TRDN: variants seen among roughly 807,000 people sequenced by gnomAD.
TRDN encodes the protein triadin.
Under a neutral mutation model 149.7 loss-of-function variants are expected in TRDN, and 161 were observed. The observed-to-expected ratio is 1.08, with a 90% CI of 0.95 to 1.23. The LOEUF is 1.23. TRDN is among the 50% of genes most tolerant of loss of function. TRDN has a pLI of 0.00. For synonymous variants in TRDN, 294 were observed against 250.5 expected (o/e 1.17, Z -1.64); for missense variants, 896 against 823.5 (o/e 1.09, Z -1.08).
At chr6:123,246,952 G>A (rs540448950) in intron 38 of TRDN, among the ~76,000 whole-genome samples, 1 of 152,146 alleles carries the variant, frequency 6.6e-6, no homozygotes, top group East Asian at 1.9e-4. Flanking sequence ...TTCAACATGT[G>A]CAAATTAATA....
At chr6:123,296,592 G>A (rs1461470939) in intron 24 of TRDN, among the ~76,000 whole-genome samples, 2 of 151,858 alleles carry the variant, frequency 1.3e-5, no homozygotes, top group South Asian at 2.1e-4. Flanking sequence ...AAGACTCTAA[G>A]AGAAAATGCC....
chr6:123,302,435 G>A (rs1778461905), intron 24 of TRDN, among the ~76,000 whole-genome samples: 1 of 152,010 alleles, frequency 6.6e-6, no homozygotes, highest in Admixed American at 6.6e-5. Context: ...AGAATAAAGG[G>A]ACAGTTGTCT....
At chr6:123,514,143 T>C (rs1779311582) in intron 6 of TRDN, among the ~76,000 whole-genome samples, 1 of 152,112 alleles carries the variant, frequency 6.6e-6, no homozygotes, top group African/African-American at 2.4e-5. Context: ...GGTGAGCAGA[T>C]CACTTGAGTT....
chr6:123,363,280 T>C (rs1370961238), intron 20 of TRDN, among the ~76,000 whole-genome samples: 1 of 152,154 alleles, frequency 6.6e-6, no homozygotes, highest in African/African-American at 2.4e-5. Flanking sequence ...AATTTGGGGA[T>C]TGGGTAGTAA....
At chr6:123,536,171 A>G (rs1780517819) in intron 4 of TRDN, among the ~76,000 whole-genome samples, 1 of 152,124 alleles carries the variant, frequency 6.6e-6, no homozygotes, top group African/African-American at 2.4e-5. Flanking sequence ...AATGCCATCT[A>G]TTATTATTAT....
At chr6:123,293,923 C>T (rs1778099103) in intron 24 of TRDN, among the ~76,000 whole-genome samples, 1 of 152,002 alleles carries the variant, frequency 6.6e-6, no homozygotes, top group African/African-American at 2.4e-5. Context: ...AGGGTTGATT[C>T]CGGCAGGAAT....
rs1775006526 is a variant in TRDN at position 123,217,688 on chromosome 6, T to C, written c.*913A>G. 2 of 152,126 alleles carry C rather than the reference T, an allele frequency of 1.3e-5. No individual in the cohort carries two copies. Among genetic ancestry groups the C allele is most frequent in the Admixed American group, 1.3e-4 (2 of 15,246 alleles). The allele number at this position is 152,126 out of a possible 1,614,324, so 9.4% of individuals were successfully genotyped here. A position where few individuals can be genotyped will look rare whatever the true frequency, so the allele number is the denominator to read the frequency against. Reference sequence around the variant, plus strand: ...TGATGGCATTCATATTTTGCCATTATGAGAAAGAAAAACATTTTACTTCAC... The same window carrying C: ...TGATGGCATTCATATTTTGCCATTACGAGAAAGAAAAACATTTTACTTCAC... On this transcript the variant is annotated 3_prime_UTR_variant, in exon 41 of 41. Coordinates refer to ENST00000334268, the MANE Select transcript of TRDN (RefSeq NM_006073.4).
At chr6:123,221,942 T>C (rs186656394) in intron 39 of TRDN, among the ~76,000 whole-genome samples, 16 of 151,866 alleles carry the variant, frequency 1.1e-4, no homozygotes, top group African/African-American at 3.1e-4. Context: ...CATATGTTTT[T>C]CGTGATCATC....
At chr6:123,233,652 G>A (rs1226455577) in intron 38 of TRDN, among the ~76,000 whole-genome samples, 2 of 152,066 alleles carry the variant, frequency 1.3e-5, no homozygotes, top group Admixed American at 1.3e-4. Context: ...AGCAAAAGGG[G>A]TGATCAGAGT....
At chr6:123,301,824 AT>A (rs2114671932) in intron 24 of TRDN, among the ~76,000 whole-genome samples, 1 of 130,258 alleles carries the variant, frequency 7.7e-6, no homozygotes, top group African/African-American at 2.8e-5. Context: ...TCAATAAACC[AT>A]TTTGTCAGTG....
At chr6:123,361,467 C>T (rs1010116209) in intron 20 of TRDN, among the ~76,000 whole-genome samples, 6 of 151,626 alleles carry the variant, frequency 4.0e-5, no homozygotes, top group African/African-American at 1.5e-4. Context: ...CATGTGTATA[C>T]CCATGTAACA....
At chr6:123,311,019 A>G (rs9388216) in intron 24 of TRDN, among the ~76,000 whole-genome samples, 27,987 of 151,886 alleles carry the variant, frequency 0.18, 3,640 homozygotes, top group East Asian at 0.68. Context: ...TCTTTTGATT[A>G]TACAAGAAGA....
At chr6:123,298,658 A>C (rs910818003) in intron 24 of TRDN, among the ~76,000 whole-genome samples, 1 of 152,092 alleles carries the variant, frequency 6.6e-6, no homozygotes, top group African/African-American at 2.4e-5. Context: ...TAAACAAGTG[A>C]CAACACCATA....
At chr6:123,492,740 C>CA (rs953790111) in intron 9 of TRDN, among the ~76,000 whole-genome samples, 19 of 150,900 alleles carry the variant, frequency 1.3e-4, no homozygotes, top group Admixed American at 2.0e-4. Context: ...TATCAATTTC[C>CA]AAAAAAAGAA....
intron 10 of TRDN, among the ~76,000 whole-genome samples, chr6:123,458,431 G>A (rs1776258530): frequency 6.6e-6 from 1 of 152,120 alleles, no homozygotes; most frequent in Admixed American, 6.6e-5. Flanking sequence ...ATCAGTTGAA[G>A]GCCTTAAAGA....
At chr6:123,277,464 T>C (rs1281949643) in intron 26 of TRDN, among the ~76,000 whole-genome samples, 1 of 152,110 alleles carries the variant, frequency 6.6e-6, no homozygotes, top group Non-Finnish European at 1.5e-5. Flanking sequence ...TGTTTGTAAA[T>C]AGGGTTATTG....
chr6:123,554,829 T>A (rs1781567500), intron 2 of TRDN, among the ~76,000 whole-genome samples: 1 of 152,224 alleles, frequency 6.6e-6, no homozygotes, highest in Non-Finnish European at 1.5e-5. Context: ...AATAGGTTTC[T>A]TAGACTCAGA....
intron 39 of TRDN, among the ~76,000 whole-genome samples, chr6:123,223,145 G>A (rs1477517592): frequency 6.6e-6 from 1 of 151,812 alleles, no homozygotes; most frequent in East Asian, 2.0e-4. Context: ...CCCATTGCTG[G>A]ATATAGCTGG....
chr6:123,535,500 C>A (rs2114367443), intron 4 of TRDN, among the ~76,000 whole-genome samples: 1 of 152,238 alleles, frequency 6.6e-6, no homozygotes, highest in South Asian at 2.1e-4. Context: ...ATCTCTCACT[C>A]CAAGACTAAA....
Sources: gnomAD v4.1 joint callset for allele counts (sites outside exome capture counted in the v4.1 genomes callset) on GRCh38, gnomAD v4.1.1 for gene constraint, MANE v1.5 for transcripts, NCBI Gene and HGNC (gene_info 2026-07-23, HGNC 2026-07-21) for gene names.